Variants in ITGA1 observed in about 807,000 individuals in gnomAD.
ITGA1 encodes the protein integrin alpha-1.
Under a neutral mutation model 145.9 loss-of-function variants are expected in ITGA1, and 85 were observed. The ratio of observed to expected loss-of-function variants is 0.58; its 90% CI spans 0.49 to 0.70. The LOEUF is 0.70. Among genes scored for constraint, ITGA1 ranks in the 30% least tolerant of loss-of-function variants. ITGA1 has a pLI of 0.00. For synonymous variants in ITGA1, 520 were observed against 495.3 expected (o/e 1.05, Z -0.66); for missense variants, 1,351 against 1,418.7 (o/e 0.95, Z 0.77).
intron 1 of ITGA1, among the ~76,000 whole-genome samples, chr5:52,793,072 G>A (rs1036213199): frequency 6.6e-6 from 1 of 151,964 alleles, no homozygotes; most frequent in African/African-American, 2.4e-5. Flanking sequence ...CTGAATAAAC[G>A]TCATTTCCAA....
rs1748156241 is a variant in ITGA1 at position 52,788,037 on chromosome 5, C to T, written c.-317C>T. ...CGTGGACTTTAGCCTAAACACGGAC[C>T]CGCGAAGCTGGCTTTATTTGTCCAT... On this transcript the variant is annotated 5_prime_UTR_variant, in exon 1 of 29. Transcript: ENST00000282588. The T allele has an allele frequency of 6.1e-6, 2 of 328,832 alleles. No individual in the cohort carries two copies. The highest frequency in any genetic ancestry group is 1.0e-4 in the East Asian group (2 of 19,876). 20.4% of individuals were successfully genotyped at this position (328,832 alleles called of 1,614,324 possible).
At chr5:52,894,023 C>T (rs1299331112) in intron 9 of ITGA1, among the ~76,000 whole-genome samples, 183 bp downstream of exon 9, 1 of 151,306 alleles carries the variant, frequency 6.6e-6, no homozygotes, top group Non-Finnish European at 1.5e-5. Context: ...TTTCTCACAA[C>T]ACTGTGTCTG....
Position 52,892,305 on chromosome 5 carries a change from A to G in ITGA1, c.925-1370A>G, listed in dbSNP as rs564288683. 5.0e-4 allele frequency among the ~76,000 whole-genome samples: 76 copies of G among 151,922 alleles called. 1 individual carries two copies. Among genetic ancestry groups the G allele is most frequent in the African/African-American group, 1.7e-3 (70 of 41,198 alleles). ...ACCACTATACGCTAACACAATTGCT[A>G]AAACTAACAAGTGAACAAAAAAAAC... On this transcript the variant is annotated intron_variant, in intron 8 of 28. Coordinates refer to ENST00000282588, the MANE Select transcript of ITGA1 (RefSeq NM_181501.2).
At chr5:52,838,939 A>T (rs1378349699) in intron 1 of ITGA1, among the ~76,000 whole-genome samples, 2 of 152,122 alleles carry the variant, frequency 1.3e-5, no homozygotes, top group African/African-American at 4.8e-5. Context: ...TATACAAAAA[A>T]TACAAAAATT....
intron 14 of ITGA1, among the ~76,000 whole-genome samples, chr5:52,912,686 G>T (rs1175343594): frequency 6.9e-6 from 1 of 143,946 alleles, no homozygotes; most frequent in African/African-American, 2.6e-5. Flanking sequence ...TATATAGTGT[G>T]TGTATATAGA....
chr5:52,874,934 A>G (rs1749841912), intron 6 of ITGA1, among the ~76,000 whole-genome samples: 1 of 152,210 alleles, frequency 6.6e-6, no homozygotes. Context: ...GGTGTTGAAT[A>G]TGATCCTCAC....
chr5:52,935,980 TTTTTTTTTTTTTTG>T (rs1750961657), intron 23 of ITGA1, among the ~76,000 whole-genome samples: 1 of 3,784 alleles, frequency 2.6e-4, no homozygotes, highest in Non-Finnish European at 4.1e-4. Context: ...TTTTTTTTTT[TTTTTTTTTTTTTTG>T]AGACGGAGTC....
chr5:52,942,027 T>C (rs930676695), intron 26 of ITGA1, among the ~76,000 whole-genome samples: 2 of 152,190 alleles, frequency 1.3e-5, no homozygotes, highest in African/African-American at 4.8e-5. Context: ...ATTTTTTGAC[T>C]AGGGATTCCT....
At chr5:52,803,898 G>T (rs1386293847) in intron 1 of ITGA1, 2 of 152,014 alleles carry the variant, frequency 1.3e-5, no homozygotes, top group Non-Finnish European at 2.9e-5. Flanking sequence ...TCTCTGGCAG[G>T]GGTCCCCAGT....
rs1751269836 is a variant in ITGA1 at position 52,954,171 on chromosome 5, C to T, written c.*1720C>T. On this transcript the variant is annotated 3_prime_UTR_variant, in exon 29 of 29. Coordinates refer to ENST00000282588, the MANE Select transcript of ITGA1 (RefSeq NM_181501.2). ...AAATACGCGCTTTTGGAATTTCCTTCATTTTCGCTATTTCCAGGTTCAGAA... is the reference window on the plus strand; with the variant it reads ...AAATACGCGCTTTTGGAATTTCCTTTATTTTCGCTATTTCCAGGTTCAGAA... The T allele has an allele frequency of 6.6e-6, 1 of 152,166 alleles. No homozygotes were observed. The highest frequency in any genetic ancestry group is 6.5e-5 in the Admixed American group (1 of 15,268). The allele number at this position is 152,166 out of a possible 1,614,324, so 9.4% of individuals were successfully genotyped here.
intron 1 of ITGA1, among the ~76,000 whole-genome samples, chr5:52,809,388 T>C (rs1748648036): frequency 6.6e-6 from 1 of 152,144 alleles, no homozygotes; most frequent in Non-Finnish European, 1.5e-5. Context: ...GAGGAGGTAT[T>C]CCCAGAGTTT....
intron 1 of ITGA1, among the ~76,000 whole-genome samples, chr5:52,790,234 C>A (rs1748212603): frequency 6.6e-6 from 1 of 152,154 alleles, no homozygotes; most frequent in African/African-American, 2.4e-5. Context: ...ATCATTTTTA[C>A]TATATCTGTT....
chr5:52,907,306 C>T (rs979817542), intron 12 of ITGA1, among the ~76,000 whole-genome samples: 14 of 151,842 alleles, frequency 9.2e-5, no homozygotes, highest in Non-Finnish European at 1.5e-4. Context: ...GGTAAGAGAA[C>T]GTAAAATAAG....
At chr5:52,877,390 A>G (rs1427994489) in intron 6 of ITGA1, among the ~76,000 whole-genome samples, 3 of 152,106 alleles carry the variant, frequency 2.0e-5, no homozygotes, top group Non-Finnish European at 4.4e-5. Context: ...TTGACTCTGG[A>G]GTCGGGCTCC....
intron 6 of ITGA1, 99 bp downstream of exon 6, chr5:52,865,916 C>A: frequency 1.0e-6 from 1 of 967,108 alleles, no homozygotes; most frequent in Non-Finnish European, 1.4e-6. Flanking sequence ...ATCAATAAAA[C>A]TAAAGTTGAG....
intron 7 of ITGA1, among the ~76,000 whole-genome samples, chr5:52,887,024 G>A (rs546858113): frequency 6.6e-6 from 1 of 151,902 alleles, no homozygotes; most frequent in Admixed American, 6.5e-5. Context: ...TGATCTGCCC[G>A]CCTCGGCCTC....
chr5:52,905,519 T>A lies in ITGA1; in HGVS notation c.1310-244T>A, dbSNP rs529865819. Reference sequence around the variant, plus strand: ...GTCATCATTGTTATATCATTTGTGATTTTAAATAATGAAAAACTCAGATTG... The same window carrying A: ...GTCATCATTGTTATATCATTTGTGAATTTAAATAATGAAAAACTCAGATTG... On this transcript the variant is annotated intron_variant, in intron 11 of 28. Transcript: ENST00000282588. 23 of 298,980 alleles carry A rather than the reference T, an allele frequency of 7.7e-5. No individual in the cohort carries two copies. In the East Asian group the frequency reaches 1.3e-3, roughly 17 times the overall value. The allele number at this position is 298,980 out of a possible 1,614,324, so 18.5% of individuals were successfully genotyped here.
rs542206196 is a variant in ITGA1 at position 52,910,119 on chromosome 5, T to C, written c.1600-43T>C. The C allele has an allele frequency of 3.8e-6, 6 of 1,566,364 alleles. No homozygotes were observed. The South Asian group carries it at 6.9e-5, about 18-fold the overall frequency. On this transcript the variant is annotated intron_variant, in intron 13 of 28. Transcript: ENST00000282588. ...CTTTAAAAATTCTACTCTGCTGTAGTAATGATGGAAATACATAAATATCCT... is the reference window on the plus strand; with the variant it reads ...CTTTAAAAATTCTACTCTGCTGTAGCAATGATGGAAATACATAAATATCCT...
At chr5:52,922,299 T>TCAAA (rs5867848) in intron 17 of ITGA1, among the ~76,000 whole-genome samples, 75 of 150,970 alleles carry the variant, frequency 5.0e-4, no homozygotes, top group Admixed American at 1.7e-3. Flanking sequence ...AGACTCTGTC[T>TCAAA]CAAACAAACA....
Sources: gnomAD v4.1 joint callset for allele counts (sites outside exome capture counted in the v4.1 genomes callset) on GRCh38, gnomAD v4.1.1 for gene constraint, MANE v1.5 for transcripts, NCBI Gene and HGNC (gene_info 2026-07-23, HGNC 2026-07-21) for gene names.